OR2L13: variants seen among roughly 807,000 people sequenced by gnomAD.
The protein encoded by OR2L13 is olfactory receptor 2L13.
Under a neutral mutation model 15.3 loss-of-function variants are expected in OR2L13, and 14 were observed. The observed-to-expected ratio is 0.91, with a 90% CI of 0.60 to 1.43. The LOEUF is 1.43. Ranked by LOEUF, OR2L13 falls within the 40% of genes most tolerant of loss-of-function variation. The probability of loss-of-function intolerance (pLI) is 0.00; values close to 1 mark genes in which losing one functional copy is unlikely to be tolerated. For missense variants in OR2L13, 367 were observed against 387.9 expected (o/e 0.95, Z 0.45); for synonymous variants, 152 against 142.9 (o/e 1.06, Z -0.45).
chr1:247,965,450 C>G, the OR2L13 span: 10 of 1,613,654 alleles, frequency 6.2e-6, no homozygotes, highest in Non-Finnish European at 7.6e-6. Context: ...TGGATAAACT[C>G]TCTTCTCTTT....
chr1:248,074,458 G>A, the OR2L13 span, among the ~76,000 whole-genome samples: 66 of 150,842 alleles, frequency 4.4e-4, no homozygotes, highest in African/African-American at 1.6e-3. Context: ...CAAAGACACA[G>A]CCAAAAGGCT....
the OR2L13 span, among the ~76,000 whole-genome samples, chr1:248,019,577 T>C: frequency 6.6e-6 from 1 of 152,168 alleles, no homozygotes; most frequent in African/African-American, 2.4e-5. Flanking sequence ...AATTTCATAT[T>C]TTGAATGTAG....
the OR2L13 span, among the ~76,000 whole-genome samples, chr1:247,947,915 A>G: frequency 1.5e-3 from 234 of 152,318 alleles, 2 homozygotes; most frequent in African/African-American, 5.5e-3. Flanking sequence ...TTTAGAAGTA[A>G]ATCTGACAGA....
the OR2L13 span, among the ~76,000 whole-genome samples, chr1:248,009,613 A>T: frequency 6.6e-6 from 1 of 152,326 alleles, no homozygotes; most frequent in Non-Finnish European, 1.5e-5. Flanking sequence ...AGCTGGAATC[A>T]TTCCTTCTGA....
At chr1:248,045,572 G>A in the OR2L13 span, among the ~76,000 whole-genome samples, 1 of 152,140 alleles carries the variant, frequency 6.6e-6, no homozygotes, top group Admixed American at 6.5e-5. Flanking sequence ...TTGAAGATGT[G>A]AAAACAGTTA....
chr1:247,975,340 A>G, the OR2L13 span: 492,373 of 539,180 alleles, frequency 0.91, 227,447 homozygotes, highest in South Asian at 0.98. Context: ...CCTCTTTCTC[A>G]TGTTTACCTT....
At chr1:248,085,859 C>T in the OR2L13 span, among the ~76,000 whole-genome samples, 9 of 152,114 alleles carry the variant, frequency 5.9e-5, no homozygotes, top group Non-Finnish European at 8.8e-5. Flanking sequence ...ATCCCTCACA[C>T]GTGCAGTTCA....
the OR2L13 span, among the ~76,000 whole-genome samples, chr1:248,045,166 CTA>C: frequency 6.6e-6 from 1 of 152,108 alleles, no homozygotes; most frequent in African/African-American, 2.4e-5. Context: ...AATTAAAGAA[CTA>C]TGTGATTTAA....
the OR2L13 span, chr1:248,060,766 C>G: frequency 6.2e-7 from 1 of 1,614,086 alleles, no homozygotes; most frequent in Non-Finnish European, 8.5e-7. Flanking sequence ...CCTCTTCATC[C>G]TCATTGTTTT....
At chr1:248,099,138 T>C (rs1471138954) in intron 2 of OR2L13, among the ~76,000 whole-genome samples, 2 of 152,152 alleles carry the variant, frequency 1.3e-5, no homozygotes, top group African/African-American at 4.8e-5. Flanking sequence ...TCTGCTGTCA[T>C]CTACAGTAAT....
chr1:247,975,869 C>G, the OR2L13 span, among the ~76,000 whole-genome samples: 1 of 151,966 alleles, frequency 6.6e-6, no homozygotes, highest in Non-Finnish European at 1.5e-5. Flanking sequence ...AAATATAGAT[C>G]ATTTATTTTC....
chr1:247,966,665 A>C, the OR2L13 span, among the ~76,000 whole-genome samples: 2 of 152,200 alleles, frequency 1.3e-5, no homozygotes, highest in East Asian at 3.9e-4. Context: ...TAATGCTTTA[A>C]TTTGTGTGTG....
the OR2L13 span, chr1:248,061,255 TG>T: frequency 6.2e-7 from 1 of 1,610,554 alleles, no homozygotes; most frequent in South Asian, 1.1e-5. Flanking sequence ...CATGGACACC[TG>T]GGTCTATGAG....
At chr1:248,075,023 G>C in the OR2L13 span, among the ~76,000 whole-genome samples, 2 of 151,576 alleles carry the variant, frequency 1.3e-5, no homozygotes, top group South Asian at 4.2e-4. Context: ...CCCTCCCCCA[G>C]ACCCCCAGCC....
chr1:248,007,861 C>T, the OR2L13 span, among the ~76,000 whole-genome samples: 11 of 152,126 alleles, frequency 7.2e-5, no homozygotes, highest in Non-Finnish European at 1.5e-4. Flanking sequence ...CATGAGTACT[C>T]TTTCTATTTT....
chr1:248,022,348 G>A, the OR2L13 span: 11 of 1,613,934 alleles, frequency 6.8e-6, no homozygotes, highest in South Asian at 6.6e-5. Flanking sequence ...TATCCCATCC[G>A]TATGAGCAAA....
chr1:247,989,355 AT>A, the OR2L13 span, among the ~76,000 whole-genome samples: 4 of 152,148 alleles, frequency 2.6e-5, no homozygotes, highest in East Asian at 1.9e-4. Context: ...GTAGAAAAAA[AT>A]CATCCTGAAA....
At chr1:247,965,548 C>G in the OR2L13 span, 2 of 1,611,204 alleles carry the variant, frequency 1.2e-6, no homozygotes, top group Non-Finnish European at 1.7e-6. Context: ...ACTCCACACT[C>G]CAATGTACTT....
the OR2L13 span, among the ~76,000 whole-genome samples, chr1:248,067,853 T>A: frequency 6.6e-6 from 1 of 152,118 alleles, no homozygotes; most frequent in African/African-American, 2.4e-5. Context: ...ATCCCACACC[T>A]GGCTCGGAGG....
Sources: allele counts gnomAD v4.1 joint callset (sites outside exome capture counted in the v4.1 genomes callset), GRCh38; gene constraint gnomAD v4.1.1; transcripts MANE v1.5; gene names NCBI Gene and HGNC (gene_info 2026-07-23, HGNC 2026-07-21).